Variants in ABCC6 observed in about 807,000 individuals in gnomAD.
ABCC6 encodes ATP-binding cassette sub-family C member 6.
Under a neutral mutation model 169.5 loss-of-function variants are expected in ABCC6, and 126 were observed. The observed-to-expected ratio is 0.74, with a 90% CI of 0.64 to 0.86. The LOEUF is 0.86. Among genes scored for constraint, ABCC6 ranks in the 40% least tolerant of loss-of-function variants. The probability of loss-of-function intolerance (pLI) is 0.00; values close to 1 mark genes in which losing one functional copy is unlikely to be tolerated. For synonymous variants in ABCC6, 752 were observed against 814.7 expected (o/e 0.92, Z 1.31); for missense variants, 1,733 against 1,927.2 (o/e 0.90, Z 1.89).
intron 29 of ABCC6, among the ~76,000 whole-genome samples, chr16:16,151,382 G>A (rs1437989057): frequency 6.6e-6 from 1 of 152,134 alleles, no homozygotes; most frequent in African/African-American, 2.4e-5. Context: ...TGTTTTTTGA[G>A]AAATCATCAT....
chr16:16,210,467 CT>C, intron 6 of ABCC6, among the ~76,000 whole-genome samples: 1 of 152,184 alleles, frequency 6.6e-6, no homozygotes, highest in East Asian at 1.9e-4. Context: ...GCAGAGCCAA[CT>C]TGGGGAAGCA....
chr16:16,177,344 A>G (rs74907776), intron 19 of ABCC6, 108 bp downstream of exon 19: 17,126 of 1,291,244 alleles, frequency 0.013, 215 homozygotes, highest in South Asian at 0.038. Context: ...AGGCCTGCAG[A>G]CAGGGTGTGG....
Position 16,165,648 on chromosome 16 carries a change from A to G in ABCC6, c.3281T>C (p.Leu1094Pro), listed in dbSNP as rs1172291603. 6.2e-7 allele frequency: 1 copy of G among 1,612,772 alleles called. No individual in the cohort carries two copies. The highest frequency in any genetic ancestry group is 8.5e-7 in the Non-Finnish European group (1 of 1,180,018). ...TPLATVAILP[L>P]FLLYAGFQSL... ...CTGAAACCCAGCGTAGAGGAGAAAC[A>G]GTGGCAGGATGGCCACAGTGGCCAG... Residue 1094 changes from leucine to proline, a missense_variant, in exon 23 of 31, where the codon CTG becomes CCG. Physicochemically the swap from Leu to Pro is moderately conservative, Grantham distance 98 (BLOSUM62 -3). Around this residue, in one of 5 missense-constraint regions of ABCC6, gnomAD observed 1,601 missense variants for 1,635.5 expected, o/e 0.98. Transcript: ENST00000205557.
chr16:16,173,671 A>G (rs550406971), intron 20 of ABCC6, among the ~76,000 whole-genome samples: 5 of 150,506 alleles, frequency 3.3e-5, no homozygotes, highest in Middle Eastern at 3.5e-3. Context: ...CTTGCCCACC[A>G]TTGGAACTCT....
chr16:16,201,151 G>A (rs562016747), intron 9 of ABCC6, among the ~76,000 whole-genome samples: 7 of 152,214 alleles, frequency 4.6e-5, no homozygotes, highest in Middle Eastern at 6.8e-3. Context: ...ATTTTTAGTA[G>A]AGATGGGGTT....
chr16:16,152,855 C>A (rs2046429432), intron 29 of ABCC6, among the ~76,000 whole-genome samples: 1 of 152,036 alleles, frequency 6.6e-6, no homozygotes, highest in Non-Finnish European at 1.5e-5. Flanking sequence ...CCTTCGGACA[C>A]CCTCAGGGTC....
chr16:16,203,097 C>T (rs1265918055), intron 8 of ABCC6, among the ~76,000 whole-genome samples: 2 of 152,202 alleles, frequency 1.3e-5, no homozygotes, highest in African/African-American at 4.8e-5. Flanking sequence ...CTGAGCCCAG[C>T]CCACATTACT....
At chr16:16,162,519 C>T (rs2046750321) in intron 24 of ABCC6, among the ~76,000 whole-genome samples, 1 of 152,176 alleles carries the variant, frequency 6.6e-6, no homozygotes, top group Non-Finnish European at 1.5e-5. Context: ...CAGGTCTTAC[C>T]TATGAGTGTC....
chr16:16,214,901 T>C (rs544144541), intron 4 of ABCC6, among the ~76,000 whole-genome samples: 40 of 152,270 alleles, frequency 2.6e-4, no homozygotes, highest in Admixed American at 6.5e-4. Flanking sequence ...TGAGCCACCA[T>C]GCCCAGCAGG....
chr16:16,167,086 A>G (rs1037267471), intron 22 of ABCC6, among the ~76,000 whole-genome samples: 3 of 152,310 alleles, frequency 2.0e-5, no homozygotes, highest in African/African-American at 7.2e-5. Flanking sequence ...CCTTCCTCCC[A>G]GTGCTAATCT....
Position 16,192,836 on chromosome 16 carries a change from G to A in ABCC6, c.1425C>T (p.His475=), listed in dbSNP as rs1331582031. ...LNFFISKKRN[H]HQEEQMRQKD... Reference sequence around the variant, plus strand: ...CCTTTCCCAAAAGCCAAACCTGATGGTGGTTCCTTTTCTTGGAGATGAAGA... The same window carrying A: ...CCTTTCCCAAAAGCCAAACCTGATGATGGTTCCTTTTCTTGGAGATGAAGA... The change falls in exon 11 of 31, where the codon CAC becomes CAT. Residue 475 remains histidine (H), a synonymous_variant. Coordinates refer to ENST00000205557, the MANE Select transcript of ABCC6 (RefSeq NM_001171.6). The A allele has an allele frequency of 2.5e-6, 4 of 1,613,788 alleles. No homozygotes were observed. Among genetic ancestry groups the A allele is most frequent in the Non-Finnish European group, 3.4e-6 (4 of 1,179,846 alleles).
At chr16:16,167,438 A>G (rs1364655042) in intron 22 of ABCC6, among the ~76,000 whole-genome samples, 4 of 152,188 alleles carry the variant, frequency 2.6e-5, no homozygotes, top group Non-Finnish European at 4.4e-5. Context: ...GAGCCAATCA[A>G]TTCTCTTGTT....
At chr16:16,208,640 G>A (rs921701828) in intron 7 of ABCC6, 88 bp downstream of exon 7, 35 of 1,606,984 alleles carry the variant, frequency 2.2e-5, no homozygotes, top group Middle Eastern at 1.8e-4. Context: ...CCAAAATGCC[G>A]GGATTACAGT....
At position 16,154,897 on chromosome 16, in the gene ABCC6, G is replaced by A. The variant is rs1329687909; in HGVS notation, c.4017C>T (p.Arg1339=). Residue 1339 remains arginine, a synonymous_variant, in exon 28 of 31, where the codon CGC becomes CGT. Coordinates refer to ENST00000205557, the MANE Select transcript of ABCC6 (RefSeq NM_001171.6). ...CCTGGGGGATGATGCTGATCCTGGA[G>A]CGCAGTGTGTGCAGCCCCACGTGGG... ...PIAHVGLHTL[R]SRISIIPQDP... 4 of 1,612,212 alleles carry A rather than the reference G, an allele frequency of 2.5e-6. No homozygotes were observed. In the South Asian group the frequency reaches 4.4e-5, roughly 18 times the overall value.
At chr16:16,194,808 CTGAGTAGCTGGGAT>C (rs2047980332) in intron 10 of ABCC6, among the ~76,000 whole-genome samples, 1 of 152,022 alleles carries the variant, frequency 6.6e-6, no homozygotes, top group African/African-American at 2.4e-5. Flanking sequence ...TCTCAGCCTC[CTGAGTAGCTGGGAT>C]TACAGGCATG....
Position 16,178,919 on chromosome 16 carries a change from CG to C in ABCC6, c.2293del (p.Arg765GlyfsTer46). 1 of 1,613,546 alleles carries C rather than the reference CG, an allele frequency of 6.2e-7. No individual in the cohort carries two copies. Among genetic ancestry groups the C allele is most frequent in the Non-Finnish European group, 8.5e-7 (1 of 1,180,016 alleles). On this transcript the variant is annotated frameshift_variant, in exon 18 of 31. Transcript: ENST00000205557. LOFTEE classifies it high-confidence loss of function. ...GGQKQRLSLARAVYRKAAVYL... is the reference protein window; with the variant it reads ...GGQKQRLSLAXAVYRKAAVYL... ...CACAGCTGCCTTTCTGTATACAGCC[CG>C]GGCCAGGCTCAGCCGCTGCTTCTGG...
intron 21 of ABCC6, among the ~76,000 whole-genome samples, chr16:16,172,010 G>A (rs1303897171): frequency 6.8e-4 from 93 of 137,184 alleles, no homozygotes; most frequent in Non-Finnish European, 7.7e-4. Flanking sequence ...AAATGGGAGG[G>A]TGGGATGGAT....
At chr16:16,191,268 A>C (rs2047845695) in intron 11 of ABCC6, among the ~76,000 whole-genome samples, 1 of 152,008 alleles carries the variant, frequency 6.6e-6, no homozygotes, top group Admixed American at 6.6e-5. Flanking sequence ...GGCGCCCGCC[A>C]CCACGCCCGG....
At position 16,159,893 on chromosome 16, in the gene ABCC6, A is replaced by C. The variant is rs574251432; in HGVS notation, c.3634-310T>G. ...GAGGGTGTGTGGCCCTCCCAAGGAC[A>C]CACAGCAGGACCCAGGCCCACTGAT... On this transcript the variant is annotated intron_variant, in intron 25 of 30. Coordinates refer to ENST00000205557, the MANE Select transcript of ABCC6 (RefSeq NM_001171.6). Among the ~76,000 whole-genome samples the C allele has an allele frequency of 3.3e-5, 5 of 152,282 alleles. 1 individual carries two copies. The South Asian group carries it at 1.0e-3, about 32-fold the overall frequency.
Sources: gnomAD v4.1 joint callset for allele counts (sites outside exome capture counted in the v4.1 genomes callset) on GRCh38, gnomAD v4.1.1 for gene constraint, gnomAD v4.1.1 regional missense constraint, MANE v1.5 for transcripts, NCBI Gene and HGNC (gene_info 2026-07-23, HGNC 2026-07-21) for gene names.